ADK: variants seen among roughly 807,000 people sequenced by gnomAD.
ADK encodes the protein N6,N6-dimethyladenosine kinase.
ADK carries 24 observed loss-of-function variants against 44.7 expected under a neutral mutation model. The ratio of observed to expected loss-of-function variants is 0.54; its 90% CI spans 0.39 to 0.76. The LOEUF is 0.76. Ranked by LOEUF, ADK falls within the 30% of genes least tolerant of loss-of-function variation. ADK has a pLI of 0.00. For missense variants in ADK, 321 were observed against 425.1 expected (o/e 0.76, Z 2.15); for synonymous variants, 128 against 142.6 (o/e 0.90, Z 0.73).
intron 4 of ADK, among the ~76,000 whole-genome samples, chr10:74,327,979 G>A (rs539597669): frequency 1.3e-5 from 2 of 152,258 alleles, no homozygotes; most frequent in East Asian, 3.9e-4. Context: ...TATGATCTCA[G>A]CTCACTGCAA....
At chr10:74,564,059 A>C (rs1850558261) in intron 7 of ADK, among the ~76,000 whole-genome samples, 4 of 128,394 alleles carry the variant, frequency 3.1e-5, no homozygotes, top group East Asian at 2.6e-4. Flanking sequence ...CAACCCCACA[A>C]CAGTCCCCAG....
chr10:74,500,683 GA>G (rs1159278838), intron 6 of ADK, among the ~76,000 whole-genome samples: 3 of 152,032 alleles, frequency 2.0e-5, no homozygotes, highest in Non-Finnish European at 4.4e-5. Flanking sequence ...TATGGTTTTT[GA>G]AAAATAACAT....
chr10:74,596,304 C>T (rs1466817774), intron 8 of ADK, among the ~76,000 whole-genome samples: 1 of 152,180 alleles, frequency 6.6e-6, no homozygotes, highest in Non-Finnish European at 1.5e-5. Context: ...GTCTCTGACT[C>T]AGTTTCTTCA....
chr10:74,405,797 C>G (rs1485680489), intron 6 of ADK, among the ~76,000 whole-genome samples: 1 of 152,164 alleles, frequency 6.6e-6, no homozygotes, highest in Non-Finnish European at 1.5e-5. Context: ...ATGAGTTTTT[C>G]TGCTCTAGGT....
chr10:74,423,702 G>T (rs1844663354), intron 6 of ADK: 1 of 441,690 alleles, frequency 2.3e-6, no homozygotes, highest in Admixed American at 2.4e-5. Flanking sequence ...CAATGTTGGG[G>T]CTGGCCTGCC....
At chr10:74,421,907 T>C (rs1489327231) in intron 6 of ADK, among the ~76,000 whole-genome samples, 3 of 152,182 alleles carry the variant, frequency 2.0e-5, no homozygotes, top group South Asian at 2.1e-4. Context: ...CACAGTGTTA[T>C]GTATAAATTG....
intron 3 of ADK, among the ~76,000 whole-genome samples, chr10:74,300,603 TC>T: frequency 6.6e-6 from 1 of 152,204 alleles, no homozygotes; most frequent in South Asian, 2.1e-4. Flanking sequence ...GGTCTCAAAC[TC>T]CTAATGTCAA....
intron 9 of ADK, among the ~76,000 whole-genome samples, chr10:74,625,212 G>A (rs1045830138): frequency 1.3e-5 from 2 of 152,078 alleles, no homozygotes; most frequent in African/African-American, 4.8e-5. Context: ...AAGAAGTTGG[G>A]GAAAGCTTTT....
intron 7 of ADK, among the ~76,000 whole-genome samples, chr10:74,571,217 G>A (rs1417903057): frequency 1.3e-5 from 2 of 152,158 alleles, no homozygotes; most frequent in Non-Finnish European, 2.9e-5. Context: ...TTTTTGCATT[G>A]ATGTTCATCA....
intron 7 of ADK, among the ~76,000 whole-genome samples, chr10:74,543,706 A>C (rs1398702416): frequency 6.6e-6 from 1 of 152,230 alleles, no homozygotes; most frequent in Non-Finnish European, 1.5e-5. Context: ...AAGCATTGCT[A>C]TCAAATGGAA....
At chr10:74,168,548 A>G (rs558706848) in intron 1 of ADK, among the ~76,000 whole-genome samples, 48 of 149,842 alleles carry the variant, frequency 3.2e-4, no homozygotes, top group African/African-American at 9.0e-4. Context: ...AAAAAAAAAA[A>G]AAAGAAAGAA....
intron 1 of ADK, among the ~76,000 whole-genome samples, chr10:74,195,278 C>T (rs753851726): frequency 5.9e-5 from 9 of 152,108 alleles, no homozygotes; most frequent in Non-Finnish European, 1.3e-4. Context: ...ATAGTATGTT[C>T]ATCATTTAAG....
At chr10:74,691,111 G>A (rs1855974391) in intron 10 of ADK, among the ~76,000 whole-genome samples, 1 of 152,286 alleles carries the variant, frequency 6.6e-6, no homozygotes, top group Admixed American at 6.5e-5. Flanking sequence ...CACTGTGGCA[G>A]CATATATCTG....
At chr10:74,301,686 T>C (rs1191847769) in intron 3 of ADK, among the ~76,000 whole-genome samples, 6 of 152,104 alleles carry the variant, frequency 3.9e-5, no homozygotes, top group South Asian at 2.1e-4. Context: ...ACCTAGATAA[T>C]GTCCTTGGTT....
intron 9 of ADK, among the ~76,000 whole-genome samples, chr10:74,613,892 T>C (rs985726729): frequency 1.3e-5 from 2 of 152,094 alleles, no homozygotes; most frequent in Non-Finnish European, 2.9e-5. Flanking sequence ...TTGGCTTAGA[T>C]TGGTGATGGT....
intron 4 of ADK, among the ~76,000 whole-genome samples, chr10:74,325,571 G>A (rs577599349): frequency 6.6e-6 from 1 of 152,208 alleles, no homozygotes; most frequent in African/African-American, 2.4e-5. Flanking sequence ...AGATTTCAGA[G>A]GAAAAGCTTT....
At chr10:74,574,125 A>T (rs1270666209) in intron 7 of ADK, among the ~76,000 whole-genome samples, 1 of 150,094 alleles carries the variant, frequency 6.7e-6, no homozygotes, top group Non-Finnish European at 1.5e-5. Context: ...TGTAGACTGG[A>T]GCTGTTCCCA....
chr10:74,560,115 A>G (rs1850402798), intron 7 of ADK, among the ~76,000 whole-genome samples: 2 of 151,906 alleles, frequency 1.3e-5, no homozygotes, highest in African/African-American at 2.4e-5. Flanking sequence ...TAGAAAAAGG[A>G]CCTATGTTGC....
intron 1 of ADK, among the ~76,000 whole-genome samples, chr10:74,167,677 G>T (rs1249145986): frequency 6.6e-6 from 1 of 152,194 alleles, no homozygotes; most frequent in African/African-American, 2.4e-5. Flanking sequence ...GGCTAGCTTA[G>T]AATCTGGCAT....
Sources: gnomAD v4.1 joint callset for allele counts (sites outside exome capture counted in the v4.1 genomes callset) on GRCh38, gnomAD v4.1.1 for gene constraint, MANE v1.5 for transcripts, NCBI Gene and HGNC (gene_info 2026-07-23, HGNC 2026-07-21) for gene names.